Variants in RNF123 observed in about 807,000 individuals in gnomAD.
RNF123 encodes the protein E3 ubiquitin-protein ligase RNF123.
In RNF123, 86 loss-of-function variants were observed where a neutral mutation model predicts 168.5. The ratio of observed to expected loss-of-function variants is 0.51; its 90% CI spans 0.43 to 0.61. The LOEUF is 0.61. RNF123 is among the 20% of genes least tolerant of loss of function. The probability of loss-of-function intolerance (pLI) is 0.00; values close to 1 mark genes in which losing one functional copy is unlikely to be tolerated. For missense variants in RNF123, 1,419 were observed against 1,729.7 expected, an observed-to-expected ratio of 0.82 and a Z score of 3.19; for synonymous variants, 666 against 689.1, an observed-to-expected ratio of 0.97 and a Z score of 0.52.
At chr3:49,702,504 T>C (rs1330251118) in intron 19 of RNF123, 99 bp downstream of exon 19, 4 of 1,602,890 alleles carry the variant, frequency 2.5e-6, no homozygotes, top group African/African-American at 1.3e-5. Context: ...CATCCCTGCC[T>C]AGCCCCAAGC....
chr3:49,712,115 C>T (rs1053475292), intron 26 of RNF123, among the ~76,000 whole-genome samples: 1 of 152,052 alleles, frequency 6.6e-6, no homozygotes, highest in African/African-American at 2.4e-5. Flanking sequence ...GTCCCAGCTA[C>T]TCGGGAGGCT....
intron 7 of RNF123, 136 bp from the exon 8 acceptor site, chr3:49,698,304 A>G (rs2054308508): frequency 4.3e-6 from 4 of 936,436 alleles, no homozygotes; most frequent in Non-Finnish European, 1.7e-6. Context: ...CCCAGCTCAG[A>G]GAATACCTCT....
intron 20 of RNF123, among the ~76,000 whole-genome samples, chr3:49,702,982 C>G (rs1293360421): frequency 6.6e-6 from 1 of 152,238 alleles, no homozygotes; most frequent in Admixed American, 6.5e-5. Context: ...GTCCCACGGG[C>G]TCCTACCATT....
Position 49,720,900 on chromosome 3 carries a change from T to G in RNF123, c.3738+6T>G, listed in dbSNP as rs2080390382. 6.2e-7 allele frequency: 1 copy of G among 1,613,814 alleles called. No individual in the cohort carries two copies. The highest frequency in any genetic ancestry group is 1.7e-5 in the Admixed American group (1 of 59,996). On this transcript the variant is annotated splice_donor_region_variant and intron_variant, in intron 37 of 38. Coordinates refer to ENST00000327697, the MANE Select transcript of RNF123 (RefSeq NM_022064.5). ...AGGCAGCAGCTGCCTCCCTGGTGAG[T>G]GGGAACACGGTGCACAGGTCCATGC...
rs1195727548 is a variant in RNF123 at position 49,699,060 on chromosome 3, C to G, written c.719C>G (p.Ser240Cys). 8 of 1,613,810 alleles carry G rather than the reference C, an allele frequency of 5.0e-6. No individual in the cohort carries two copies. Among genetic ancestry groups the G allele is most frequent in the Non-Finnish European group, 5.9e-6 (7 of 1,180,042 alleles). The stretch of plus-strand genomic sequence containing the variant: ...GCCTACTTCCCAGCCATCAGCCTCT[C>G]TTTCAAGGAGTCCGTGGCCTTCAAC... ...GMAYFPAISLSFKESVAFNFG... is the reference protein window; with the variant it reads ...GMAYFPAISLCFKESVAFNFG... The change falls in exon 10 of 39, where the codon TCT (serine) becomes TGT (cysteine). Residue 240 changes from serine to cysteine, a missense_variant. Physicochemically the swap from Ser to Cys is moderately radical, Grantham distance 112 (BLOSUM62 -1). Coordinates refer to ENST00000327697, the MANE Select transcript of RNF123 (RefSeq NM_022064.5). This position sits in a 1 kb window ranked among gnomAD's most constrained non-coding sequence, Gnocchi z 4.8.
At chr3:49,697,342 C>G in intron 4 of RNF123, 21 bp from the exon 5 acceptor site, 1 of 1,603,526 alleles carries the variant, frequency 6.2e-7, no homozygotes, top group Non-Finnish European at 8.5e-7. Context: ...CCCTGCCTGA[C>G]CCCACCTCTC....
chr3:49,718,438 T>G (rs1575543751), intron 35 of RNF123: 1 of 1,612,884 alleles, frequency 6.2e-7, no homozygotes, highest in South Asian at 1.1e-5. Flanking sequence ...ATGCTGCTCC[T>G]GTACGTTGCC....
In RNF123 at chr3:49,717,840, G is replaced by A. The variant is rs1304453166; in HGVS notation, c.3500+1363G>A. The A allele has an allele frequency of 5.8e-6, 7 of 1,206,180 alleles. No homozygotes were observed. In the East Asian group the frequency reaches 1.7e-4, roughly 29 times the overall value. The allele number at this position is 1,206,180 out of a possible 1,614,324, so 74.7% of individuals were successfully genotyped here. A position where few individuals can be genotyped will look rare whatever the true frequency, so the allele number is the denominator to read the frequency against. ...GTTTCGAGGCCCATACAGGAAGCTGGGGGGCCAGGCACAGTGCTTCCCACC... is the reference window on the plus strand; with the variant it reads ...GTTTCGAGGCCCATACAGGAAGCTGAGGGGCCAGGCACAGTGCTTCCCACC... On this transcript the variant is annotated intron_variant, in intron 35 of 38. Transcript: ENST00000327697.
intron 35 of RNF123, 115 bp from the exon 36 acceptor site, chr3:49,720,395 AG>A (rs1237224879): frequency 1.7e-5 from 18 of 1,050,992 alleles, no homozygotes; most frequent in Middle Eastern, 2.3e-4. Context: ...GGAGACGGAA[AG>A]GATGCAGGGG....
In RNF123 at chr3:49,703,506, G is replaced by A. The variant is rs112475134; in HGVS notation, c.1830G>A (p.Ser610=). The A allele has an allele frequency of 1.7e-5, 27 of 1,613,924 alleles. No homozygotes were observed. Among genetic ancestry groups the A allele is most frequent in the Non-Finnish European group, 2.1e-5 (25 of 1,179,924 alleles). Residue 610 remains serine, a synonymous_variant, in exon 21 of 39, where the codon TCG becomes TCA. Coordinates refer to ENST00000327697, the MANE Select transcript of RNF123 (RefSeq NM_022064.5). The part of the protein sequence containing the change: ...FDLQRLGGLL[S]HLRKTLKDDL... ...TGCAGCGCCTGGGGGGCCTCCTCTC[G>A]CACCTGCGGAAGACCCTCAAAGGTG... is the stretch of plus-strand genomic sequence containing the variant.
intron 35 of RNF123, 66 bp from the exon 36 acceptor site, chr3:49,720,445 A>G (rs1432283884): frequency 1.2e-5 from 17 of 1,473,926 alleles, no homozygotes; most frequent in Middle Eastern, 3.6e-4. Context: ...CTCATTGGCA[A>G]TCCCAAGAGA....
In RNF123 at chr3:49,717,830, C is replaced by G. The variant is rs1217679459; in HGVS notation, c.3500+1353C>G. The G allele has an allele frequency of 2.7e-6, 3 of 1,113,902 alleles. No homozygotes were observed. In the African/African-American group the frequency reaches 4.7e-5, roughly 17 times the overall value. 69.0% of individuals were successfully genotyped at this position (1,113,902 alleles called of 1,614,324 possible). ...GGCCCATTGTGTTTCGAGGCCCATA[C>G]AGGAAGCTGGGGGGCCAGGCACAGT... On this transcript the variant is annotated intron_variant, in intron 35 of 38. Coordinates refer to ENST00000327697, the MANE Select transcript of RNF123 (RefSeq NM_022064.5).
rs906574818 is a variant in RNF123, at chr3:49,713,158, C to T, written c.2675-355C>T. 1.2e-5 allele frequency: 7 copies of T among 592,762 alleles called. No individual in the cohort carries two copies. In the East Asian group the frequency reaches 2.0e-4, roughly 17 times the overall value. 36.7% of individuals were successfully genotyped at this position (592,762 alleles called of 1,614,324 possible). A position where few individuals can be genotyped will look rare whatever the true frequency, so the allele number is the denominator to read the frequency against. ...TGGATCAGGCAGTGAGCTGTCAGGC[C>T]CCTAGCCTGCCCCCTGCCCAGCCAC... is the stretch of plus-strand genomic sequence containing the variant. On this transcript the variant is annotated intron_variant, in intron 27 of 38. Transcript: ENST00000327697.
intron 3 of RNF123, 75 bp downstream of exon 3, chr3:49,691,584 G>C: frequency 8.4e-7 from 1 of 1,193,654 alleles, no homozygotes; most frequent in Non-Finnish European, 1.2e-6. Context: ...TGTAGGGAAA[G>C]GGAGCCTGGG....
Position 49,718,794 on chromosome 3 carries a change from GTCGCAAGGCAA to G in RNF123, c.3501-1716_3501-1706del, listed in dbSNP as rs771603045. On this transcript the variant is annotated intron_variant, in intron 35 of 38. Coordinates refer to ENST00000327697, the MANE Select transcript of RNF123 (RefSeq NM_022064.5). ...GCTGTAGCAGGTGGTAGAGGCGGCAGTCGCAAGGCAAAGGGTTGTTGTGCAAGTAGAGGCCG... is the reference window on the plus strand; with the variant it reads ...GCTGTAGCAGGTGGTAGAGGCGGCAGAGGGTTGTTGTGCAAGTAGAGGCCG... 3.0e-5 allele frequency: 49 copies of G among 1,613,188 alleles called. 1 individual carries two copies. Among genetic ancestry groups the G allele is most frequent in the Middle Eastern group, 3.3e-4 (2 of 6,084 alleles).
intron 3 of RNF123, among the ~76,000 whole-genome samples, chr3:49,692,310 C>A (rs1311471451): frequency 1.3e-5 from 2 of 152,158 alleles, no homozygotes; most frequent in Non-Finnish European, 2.9e-5. Flanking sequence ...AAATGTGATT[C>A]TTTTCTGTTT....
intron 15 of RNF123, among the ~76,000 whole-genome samples, chr3:49,700,993 T>C (rs1371541933): frequency 6.6e-6 from 1 of 152,264 alleles, no homozygotes; most frequent in East Asian, 1.9e-4. Flanking sequence ...CCAGCACTTT[T>C]GTTCATGTTC....
rs1010034601 is a variant in RNF123, at chr3:49,702,740, T to C, written c.1737T>C (p.Ala579=). 6.2e-7 allele frequency: 1 copy of C among 1,614,044 alleles called. No individual in the cohort carries two copies. Among genetic ancestry groups the C allele is most frequent in the African/African-American group, 1.3e-5 (1 of 74,944 alleles). Residue 579 remains alanine (A), a synonymous_variant, in exon 20 of 39, where the codon GCT becomes GCC. Coordinates refer to ENST00000327697, the MANE Select transcript of RNF123 (RefSeq NM_022064.5). Reference sequence around the variant, plus strand: ...AATACAAGGCTTCCAATCCTCATGCTTCCTTCAGTGAGGGTGAGTGGCACC... The same window carrying C: ...AATACAAGGCTTCCAATCCTCATGCCTCCTTCAGTGAGGGTGAGTGGCACC... ...WDEYKASNPH[A]SFSEEAYIPP...
chr3:49,713,475 C>A, intron 27 of RNF123, 38 bp from the exon 28 acceptor site: 2 of 1,563,366 alleles, frequency 1.3e-6, no homozygotes, highest in Admixed American at 3.8e-5. Flanking sequence ...CTGGAGCCCC[C>A]ACTCCCAGCC....
Sources: allele counts gnomAD v4.1 joint callset (sites outside exome capture counted in the v4.1 genomes callset), GRCh38; gene constraint gnomAD v4.1.1; non-coding constraint Gnocchi (gnomAD v3.1); transcripts MANE v1.5; gene names NCBI Gene and HGNC (gene_info 2026-07-23, HGNC 2026-07-21).